The following RGPD5 variants were observed in gnomAD, a reference collection of about 807,000 sequenced individuals.
RGPD5 encodes the protein RANBP2-like and GRIP domain-containing protein 5/6.
At chr2:109,761,301 AC>A in the RGPD5 span, among the ~76,000 whole-genome samples, 1 of 150,408 alleles carries the variant, frequency 6.6e-6, no homozygotes, top group South Asian at 2.2e-4. Context: ...GGAAAAGTGA[AC>A]ATCCAGGGCG....
Position 109,794,824 on chromosome 2 carries a change from CTTGTTCCCGACGG to C in RGPD5, c.72+289_72+301del. 1.9e-5 allele frequency: 4 copies of C among 212,806 alleles called. No homozygotes were observed. In the African/African-American group the frequency reaches 3.1e-4, roughly 17 times the overall value. The allele number at this position is 212,806 out of a possible 1,614,324, so 13.2% of individuals were successfully genotyped here. A position where few individuals can be genotyped will look rare whatever the true frequency, so the allele number is the denominator to read the frequency against. On this transcript the variant is annotated intron_variant, in intron 1 of 22. Transcript: ENST00000016946. The stretch of plus-strand genomic sequence containing the variant: ...TCTTAATCCCGGCTTGTTCCCGACG[CTTGTTCCCGACGG>C]TGCTCGCTCCTGGGCCCGTCCTGGC...
At chr2:109,765,776 C>A in the RGPD5 span, among the ~76,000 whole-genome samples, 1 of 150,944 alleles carries the variant, frequency 6.6e-6, no homozygotes, top group Admixed American at 6.6e-5. Flanking sequence ...AGGATGCTGC[C>A]CAGTAGTGCC....
At chr2:109,761,450 C>T in the RGPD5 span, among the ~76,000 whole-genome samples, 1 of 149,634 alleles carries the variant, frequency 6.7e-6, no homozygotes, top group Non-Finnish European at 1.5e-5. Context: ...CCCACCCGGG[C>T]GCCCCAGGTA....
the RGPD5 span, among the ~76,000 whole-genome samples, chr2:109,777,250 A>C: frequency 0.035 from 5,187 of 147,984 alleles, 306 homozygotes; most frequent in Middle Eastern, 0.062. Flanking sequence ...TTTTAAGCAC[A>C]AAAGGATGTG....
chr2:109,774,477 G>A, the RGPD5 span, among the ~76,000 whole-genome samples: 1 of 868 alleles, frequency 1.2e-3, no homozygotes, highest in Non-Finnish European at 2.5e-3. Context: ...GTGTCACCGC[G>A]AGACTCCTTC....
the RGPD5 span, among the ~76,000 whole-genome samples, chr2:109,763,250 C>G: frequency 6.7e-6 from 1 of 150,334 alleles, no homozygotes; most frequent in African/African-American, 2.4e-5. Context: ...TATTATTTAT[C>G]AGACACTGTT....
the RGPD5 span, among the ~76,000 whole-genome samples, chr2:109,766,348 G>A: frequency 6.6e-6 from 1 of 150,686 alleles, no homozygotes; most frequent in South Asian, 2.1e-4. Flanking sequence ...CTTGTGTGGG[G>A]CGTGTTTTGG....
At chr2:109,773,020 A>G in the RGPD5 span, among the ~76,000 whole-genome samples, 5 of 152,122 alleles carry the variant, frequency 3.3e-5, no homozygotes, top group East Asian at 5.8e-4. Flanking sequence ...TATTGCATGT[A>G]AATGCCCTTG....
the RGPD5 span, among the ~76,000 whole-genome samples, chr2:109,766,818 T>C: frequency 6.7e-6 from 1 of 150,250 alleles, no homozygotes; most frequent in Non-Finnish European, 1.5e-5. Context: ...TTTTTGGGAA[T>C]AAAGCCTTGG....
chr2:109,794,691 A>C, intron 1 of RGPD5, 154 bp downstream of exon 1: 1 of 713,038 alleles, frequency 1.4e-6, no homozygotes, highest in Non-Finnish European at 1.6e-6. Context: ...CGCTCTGTTG[A>C]GGCGCCGGCC....
the RGPD5 span, among the ~76,000 whole-genome samples, chr2:109,765,729 G>T: frequency 6.6e-6 from 1 of 150,996 alleles, no homozygotes; most frequent in African/African-American, 2.4e-5. Context: ...ACACAGGCAG[G>T]GAGGGATGCA....
the RGPD5 span, among the ~76,000 whole-genome samples, chr2:109,763,605 A>AT: frequency 1.3e-3 from 194 of 150,262 alleles, 9 homozygotes; most frequent in Admixed American, 3.7e-3. Flanking sequence ...AAAATTAAAA[A>AT]TTTGAAAATA....
chr2:109,774,693 TCTAA>T, the RGPD5 span, among the ~76,000 whole-genome samples: 3 of 47,660 alleles, frequency 6.3e-5, no homozygotes, highest in Admixed American at 3.9e-4. Context: ...CTAGTGGAAT[TCTAA>T]TTAAACAGGC....
the RGPD5 span, among the ~76,000 whole-genome samples, chr2:109,777,128 TGAAAG>T: frequency 2.9e-5 from 3 of 102,994 alleles, no homozygotes; most frequent in Non-Finnish European, 4.0e-5. Flanking sequence ...TTTCTCATCT[TGAAAG>T]GAAAGCTTTG....
the RGPD5 span, among the ~76,000 whole-genome samples, chr2:109,771,829 G>C: frequency 1.9e-3 from 1 of 524 alleles, no homozygotes; most frequent in Non-Finnish European, 3.6e-3. Context: ...CATTTTGGGA[G>C]GCCGAGGAAG....
intron 1 of RGPD5, 157 bp downstream of exon 1, chr2:109,794,694 CGCCG>C (rs1676892819): frequency 4.0e-6 from 3 of 742,392 alleles, no homozygotes; most frequent in Non-Finnish European, 4.7e-6. Context: ...TCTGTTGAGG[CGCCG>C]GCCGGCTGGC....
chr2:109,763,085 C>A, the RGPD5 span, among the ~76,000 whole-genome samples: 6 of 150,024 alleles, frequency 4.0e-5, no homozygotes, highest in Non-Finnish European at 7.4e-5. Context: ...CCATTGTTTT[C>A]TTATTTGAGT....
the RGPD5 span, among the ~76,000 whole-genome samples, chr2:109,763,319 C>A: frequency 6.6e-6 from 1 of 150,396 alleles, no homozygotes; most frequent in African/African-American, 2.4e-5. Context: ...TTATTAGTTC[C>A]ATTTTACAGA....
At chr2:109,799,279 C>T (rs1313832105) in intron 1 of RGPD5, among the ~76,000 whole-genome samples, 7 of 129,480 alleles carry the variant, frequency 5.4e-5, no homozygotes, top group East Asian at 2.2e-4. Flanking sequence ...AGGCCTTGTT[C>T]CTTTATGTGC....
Sources: gnomAD v4.1 joint callset for allele counts (sites outside exome capture counted in the v4.1 genomes callset) on GRCh38, gnomAD v4.1.1 for gene constraint, MANE v1.5 for transcripts, NCBI Gene and HGNC (gene_info 2026-07-23, HGNC 2026-07-21) for gene names.